WRN: variants seen among roughly 807,000 people sequenced by gnomAD.
WRN encodes bifunctional 3'-5' exonuclease/ATP-dependent helicase WRN.
WRN carries 149 observed loss-of-function variants against 180.7 expected under a neutral mutation model. That is an observed-to-expected ratio of 0.82 (90% CI 0.72 to 0.94). The LOEUF (loss-of-function observed/expected upper bound fraction) is 0.94. Ranked by LOEUF, WRN falls within the 40% of genes least tolerant of loss-of-function variation. The pLI is 0.00. For missense variants in WRN, 1,661 were observed against 1,700.1 expected (o/e 0.98, Z 0.40); for synonymous variants, 548 against 568.9 (o/e 0.96, Z 0.52).
At chr8:31,105,131 C>A (rs1284674879) in intron 18 of WRN, among the ~76,000 whole-genome samples, 1 of 152,072 alleles carries the variant, frequency 6.6e-6, no homozygotes, top group Non-Finnish European at 1.5e-5. Context: ...ATTAAATATA[C>A]TAGTTAGCAA....
chr8:31,141,894 A>T, intron 26 of WRN, 119 bp downstream of exon 26: 1 of 995,532 alleles, frequency 1.0e-6, no homozygotes, highest in Non-Finnish European at 1.5e-6. Context: ...TTGTTTTTGT[A>T]TGCCTATTTT....
intron 34 of WRN, among the ~76,000 whole-genome samples, chr8:31,172,475 AT>A (rs1396110224): frequency 6.6e-6 from 1 of 151,860 alleles, no homozygotes; most frequent in Admixed American, 6.6e-5. Context: ...AGAAACTTTT[AT>A]TTTTTTCATT....
intron 7 of WRN, among the ~76,000 whole-genome samples, chr8:31,074,338 C>T (rs1813021749): frequency 6.6e-6 from 1 of 152,116 alleles, no homozygotes; most frequent in African/African-American, 2.4e-5. Flanking sequence ...GTGTAGACAA[C>T]TCTTTCAAGG....
At chr8:31,045,648 C>T (rs977841633) in intron 1 of WRN, among the ~76,000 whole-genome samples, 2 of 152,028 alleles carry the variant, frequency 1.3e-5, no homozygotes, top group African/African-American at 2.4e-5. Context: ...GTGATCTGCC[C>T]GCCTCGGCCT....
At chr8:31,143,515 C>CT (rs35758300) in intron 27 of WRN, 35 bp from the exon 28 acceptor site, 14 of 1,460,982 alleles carry the variant, frequency 9.6e-6, no homozygotes, top group East Asian at 2.3e-5. Context: ...TTTTTTGAAA[C>CT]TTTTTTTAAT....
Position 31,120,304 on chromosome 8 carries a change from T to C in WRN, c.2510T>C (p.Ile837Thr). The change falls in exon 21 of 35, where the codon ATT becomes ACT. Residue 837 changes from isoleucine to threonine, a missense_variant. Physicochemically the swap from Ile to Thr is moderately conservative, Grantham distance 89 (BLOSUM62 -1). Transcript: ENST00000298139. ...AATAAAGCTGACATTCGCCAAGTCA[T>C]TCATTACGGTGCTCCTAAGGACATG... ...GINKADIRQV[I>T]HYGAPKDMES... 1 of 1,613,096 alleles carries C rather than the reference T, an allele frequency of 6.2e-7. No homozygotes were observed.
At chr8:31,052,306 A>G (rs886435799) in intron 1 of WRN, among the ~76,000 whole-genome samples, 3 of 152,244 alleles carry the variant, frequency 2.0e-5, no homozygotes, top group South Asian at 4.1e-4. Context: ...ACCATTTGCA[A>G]TTGTGAGATA....
At chr8:31,066,885 G>C (rs1812726775) in intron 5 of WRN, 148 bp from the exon 6 acceptor site, 1 of 887,660 alleles carries the variant, frequency 1.1e-6, no homozygotes, top group Admixed American at 2.1e-5. Flanking sequence ...GAGGCTTTTA[G>C]TGACAGGGAA....
chr8:31,059,015 G>C, intron 2 of WRN, 138 bp from the exon 3 acceptor site: 1 of 724,242 alleles, frequency 1.4e-6, no homozygotes, highest in Non-Finnish European at 2.4e-6. Context: ...TTTTCTTTAT[G>C]ACTTCATTAG....
At chr8:31,070,231 C>T (rs949431235) in intron 7 of WRN, among the ~76,000 whole-genome samples, 3 of 151,708 alleles carry the variant, frequency 2.0e-5, no homozygotes, top group Non-Finnish European at 4.4e-5. Context: ...TTCCTCCCTT[C>T]CTTCCTTTCT....
intron 5 of WRN, among the ~76,000 whole-genome samples, chr8:31,066,302 C>A (rs1393966441): frequency 2.0e-5 from 3 of 152,248 alleles, no homozygotes; most frequent in Non-Finnish European, 2.9e-5. Flanking sequence ...TCTCCTGCCT[C>A]AGCCTCCCGA....
At chr8:31,089,663 G>C (rs767754673) in intron 13 of WRN, among the ~76,000 whole-genome samples, 5 of 151,990 alleles carry the variant, frequency 3.3e-5, no homozygotes, top group African/African-American at 4.8e-5. Flanking sequence ...CCAGCACTTA[G>C]TTAAGAATAG....
At chr8:31,153,686 A>G (rs1803237437) in intron 31 of WRN, among the ~76,000 whole-genome samples, 1 of 152,192 alleles carries the variant, frequency 6.6e-6, no homozygotes, top group East Asian at 1.9e-4. Flanking sequence ...CATCATATAT[A>G]TAGCATGTAA....
intron 24 of WRN, among the ~76,000 whole-genome samples, chr8:31,139,894 A>T (rs117981209): frequency 2.6e-5 from 4 of 151,864 alleles, no homozygotes; most frequent in Non-Finnish European, 5.9e-5. Context: ...GGAAGAATTC[A>T]TAGTGGATGG....
At position 31,139,334 on chromosome 8, in the gene WRN, C is replaced by T. The variant is rs191259331; in HGVS notation, c.2968-2096C>T. ...GTAAAAATATTGAGTTATAATCTAC[C>T]GTTTTCTAAAATTTTATACTGCATT... is the stretch of plus-strand genomic sequence containing the variant. On this transcript the variant is annotated intron_variant, in intron 24 of 34. Coordinates refer to ENST00000298139, the MANE Select transcript of WRN (RefSeq NM_000553.6). Among the ~76,000 whole-genome samples the T allele has an allele frequency of 4.4e-3, 667 of 152,048 alleles. 6 individuals carry two copies. Among genetic ancestry groups the T allele is most frequent in the African/African-American group, 0.015 (607 of 41,466 alleles).
intron 1 of WRN, among the ~76,000 whole-genome samples, chr8:31,034,648 T>G (rs1202869154): frequency 6.6e-6 from 1 of 152,070 alleles, no homozygotes; most frequent in Non-Finnish European, 1.5e-5. Flanking sequence ...GGCACAAAAT[T>G]ATAATTTAAA....
Position 31,132,466 on chromosome 8 carries a change from A to C in WRN, c.2927A>C (p.Lys976Thr), listed in dbSNP as rs1802219508. ...LLSAVDILGEKFGIGLPILFL... is the reference protein window; with the variant it reads ...LLSAVDILGETFGIGLPILFL... ...TCTGCTGTGGACATCTTAGGCGAAAAATTTGGAATTGGGCTTCCAATTTTA... is the reference window on the plus strand; with the variant it reads ...TCTGCTGTGGACATCTTAGGCGAAACATTTGGAATTGGGCTTCCAATTTTA... The change falls in exon 24 of 35, where the codon AAA becomes ACA. Residue 976 changes from lysine (K) to threonine (T), a missense_variant. Around this residue, in one of 3 missense-constraint regions of WRN, gnomAD observed 1,141 missense variants for 1,149.4 expected, o/e 0.99. Coordinates refer to ENST00000298139, the MANE Select transcript of WRN (RefSeq NM_000553.6). The C allele has an allele frequency of 1.2e-6, 2 of 1,614,016 alleles. No individual in the cohort carries two copies. The highest frequency in any genetic ancestry group is 1.3e-5 in the African/African-American group (1 of 74,918).
At chr8:31,119,692 T>TA (rs968306878) in intron 20 of WRN, among the ~76,000 whole-genome samples, 2 of 151,466 alleles carry the variant, frequency 1.3e-5, no homozygotes, top group African/African-American at 4.8e-5. Flanking sequence ...TGTTATTACC[T>TA]AAAAAAAAAT....
At chr8:31,062,409 A>AT (rs3056741) in intron 3 of WRN, among the ~76,000 whole-genome samples, 3,428 of 139,692 alleles carry the variant, frequency 0.025, 89 homozygotes, top group African/African-American at 0.073. Flanking sequence ...ATTTTCTTCA[A>AT]TTTTTTTTTT....
Sources: gnomAD v4.1 joint callset for allele counts (sites outside exome capture counted in the v4.1 genomes callset) on GRCh38, gnomAD v4.1.1 for gene constraint, gnomAD v4.1.1 regional missense constraint, MANE v1.5 for transcripts, NCBI Gene and HGNC (gene_info 2026-07-23, HGNC 2026-07-21) for gene names.